Variants in DACH2 observed in about 807,000 individuals in gnomAD.
DACH2 encodes dachshund homolog 2.
Under a neutral mutation model 35.8 loss-of-function variants are expected in DACH2, and 17 were observed. That is an observed-to-expected ratio of 0.48 (90% CI 0.33 to 0.71). The LOEUF is 0.71. Ranked by LOEUF, DACH2 falls within the 30% of genes least tolerant of loss-of-function variation. The pLI is 0.02. For synonymous variants in DACH2, 195 were observed against 177.3 expected, an observed-to-expected ratio of 1.10 and a Z score of -0.79; for missense variants, 469 against 472.7, an observed-to-expected ratio of 0.99 and a Z score of 0.07.
At chrX:86,420,247 C>G (rs2036779649) in intron 2 of DACH2, among the ~76,000 whole-genome samples, 1 of 111,976 alleles carries the variant, frequency 8.9e-6, no homozygotes, top group Non-Finnish European at 1.9e-5. Context: ...AAATAAGTAA[C>G]TGCACTTTGT....
At chrX:86,176,061 A>AAAT (rs2031292005) in intron 1 of DACH2, among the ~76,000 whole-genome samples, 1 of 111,614 alleles carries the variant, frequency 9.0e-6, no homozygotes, top group African/African-American at 3.3e-5. Flanking sequence ...CAAAGTAGGC[A>AAAT]AATAATAGTA....
intron 1 of DACH2, among the ~76,000 whole-genome samples, chrX:86,361,346 G>A (rs1432654262): frequency 9.0e-6 from 1 of 111,077 alleles, no homozygotes; most frequent in Non-Finnish European, 1.9e-5. Flanking sequence ...GTTTACATAT[G>A]AGCAAAATAA....
intron 1 of DACH2, among the ~76,000 whole-genome samples, chrX:86,301,553 G>T (rs2034575622): frequency 8.9e-6 from 1 of 111,738 alleles, no homozygotes; most frequent in African/African-American, 3.2e-5. Context: ...TGTCATTGTG[G>T]TAACTGACAG....
intron 2 of DACH2, among the ~76,000 whole-genome samples, chrX:86,409,935 G>T (rs1437157640): frequency 1.8e-5 from 2 of 112,014 alleles, no homozygotes; most frequent in Non-Finnish European, 3.8e-5. Flanking sequence ...AGACAAAGCA[G>T]TTCCCCAAAG....
chrX:86,585,152 T>G (rs1338212269), intron 3 of DACH2, among the ~76,000 whole-genome samples: 2 of 110,671 alleles, frequency 1.8e-5, no homozygotes, highest in Non-Finnish European at 3.8e-5. Flanking sequence ...TTTATTTTCC[T>G]TTGGGTATAT....
intron 7 of DACH2, among the ~76,000 whole-genome samples, chrX:86,800,894 T>A (rs936301024): frequency 9.0e-6 from 1 of 110,944 alleles, no homozygotes; most frequent in African/African-American, 3.3e-5. Flanking sequence ...GGTCTTGAAC[T>A]CCTGACCTCA....
chrX:86,565,901 C>G (rs1311671166), intron 3 of DACH2, among the ~76,000 whole-genome samples: 1 of 111,758 alleles, frequency 8.9e-6, no homozygotes, highest in East Asian at 2.8e-4. Context: ...ATAGGTTAAT[C>G]TAGTTTCTTT....
At chrX:86,397,103 C>G (rs2036311263) in intron 2 of DACH2, among the ~76,000 whole-genome samples, 1 of 110,040 alleles carries the variant, frequency 9.1e-6, no homozygotes, top group Non-Finnish European at 1.9e-5. Context: ...AGAGGTCCTT[C>G]ACATCCCTTG....
In DACH2 at chrX:86,814,563, A is replaced by G. The variant is rs1273396271; in HGVS notation, c.1538-125A>G. 1.6e-5 allele frequency: 11 copies of G among 707,754 alleles called. No homozygotes were observed. The South Asian group carries it at 2.5e-4, about 16-fold the overall frequency. 58.3% of individuals were successfully genotyped at this position (707,754 alleles called of 1,213,427 possible). A position where few individuals can be genotyped will look rare whatever the true frequency, so the allele number is the denominator to read the frequency against. The stretch of plus-strand genomic sequence containing the variant: ...CATTAGTACCAAAAGAACGCTAATC[A>G]TATGTCAAGTGAAATATTTCTATAT... On this transcript the variant is annotated intron_variant, in intron 9 of 11. Transcript: ENST00000373125.
chrX:86,292,520 G>A (rs1365788004), intron 1 of DACH2, among the ~76,000 whole-genome samples: 3 of 111,072 alleles, frequency 2.7e-5, no homozygotes, highest in Non-Finnish European at 5.7e-5. Flanking sequence ...GTGATGTTAG[G>A]TTGTCAATTT....
intron 3 of DACH2, among the ~76,000 whole-genome samples, chrX:86,628,136 T>C (rs1313935625): frequency 8.9e-6 from 1 of 112,446 alleles, no homozygotes; most frequent in Admixed American, 9.5e-5. Context: ...CACCATGGAC[T>C]CACTACTGTG....
intron 2 of DACH2, among the ~76,000 whole-genome samples, chrX:86,378,490 C>A (rs1177637422): frequency 9.0e-6 from 1 of 110,548 alleles, no homozygotes; most frequent in Non-Finnish European, 1.9e-5. Flanking sequence ...CTCAGTTTGG[C>A]TGATTATTAC....
rs560804746 is a variant in DACH2, at chrX:86,769,099, G to A, written c.1240+29217G>A. Among the ~76,000 whole-genome samples the A allele has an allele frequency of 5.6e-4, 62 of 110,925 alleles. 1 individual carries two copies. The South Asian group carries it at 0.011, about 20-fold the overall frequency. On this transcript the variant is annotated intron_variant, in intron 7 of 11. Transcript: ENST00000373125. ...CTCAATATATGCAGAAAAAGAATTAGATAAAATCCAACGTCCCTTCATTAT... is the reference window on the plus strand; with the variant it reads ...CTCAATATATGCAGAAAAAGAATTAAATAAAATCCAACGTCCCTTCATTAT...
chrX:86,608,468 A>T (rs1007590367), intron 3 of DACH2, among the ~76,000 whole-genome samples: 16 of 112,186 alleles, frequency 1.4e-4, no homozygotes, highest in Non-Finnish European at 2.4e-4. Flanking sequence ...GGATAAGAGT[A>T]GTTGACATAC....
At chrX:86,432,524 A>G (rs1445616705) in intron 2 of DACH2, among the ~76,000 whole-genome samples, 2 of 112,017 alleles carry the variant, frequency 1.8e-5, no homozygotes, top group Non-Finnish European at 3.8e-5. Context: ...GCGAAGAAAT[A>G]TCTTGAAGGT....
intron 1 of DACH2, among the ~76,000 whole-genome samples, chrX:86,282,118 A>G (rs2034041580): frequency 9.1e-6 from 1 of 110,236 alleles, no homozygotes; most frequent in African/African-American, 3.3e-5. Flanking sequence ...TCAAGCTACC[A>G]TTGCCTTTCT....
intron 1 of DACH2, among the ~76,000 whole-genome samples, chrX:86,309,970 G>T (rs1321959504): frequency 8.9e-6 from 1 of 112,483 alleles, no homozygotes; most frequent in Non-Finnish European, 1.9e-5. Flanking sequence ...AATGGTGCTT[G>T]AGGTTTCAGT....
At chrX:86,645,232 C>G (rs1387439693) in intron 3 of DACH2, among the ~76,000 whole-genome samples, 1 of 110,827 alleles carries the variant, frequency 9.0e-6, no homozygotes, top group South Asian at 3.8e-4. Flanking sequence ...TAAAAACAAC[C>G]CCTCTAAAAA....
chrX:86,733,216 G>A (rs73510114), intron 6 of DACH2, among the ~76,000 whole-genome samples: 1 of 111,630 alleles, frequency 9.0e-6, no homozygotes, highest in Non-Finnish European at 1.9e-5. Context: ...AAAAGCTAAA[G>A]GAGTCACTGG....
Sources: allele counts gnomAD v4.1 joint callset (sites outside exome capture counted in the v4.1 genomes callset), GRCh38; gene constraint gnomAD v4.1.1; transcripts MANE v1.5; gene names NCBI Gene and HGNC (gene_info 2026-07-23, HGNC 2026-07-21).